The following CRTAC1 variants were observed in gnomAD, a reference collection of about 807,000 sequenced individuals.
CRTAC1 encodes cartilage acidic protein 1.
Under a neutral mutation model 67.8 loss-of-function variants are expected in CRTAC1, and 37 were observed. That is an observed-to-expected ratio of 0.55 (90% confidence interval 0.42 to 0.72). CRTAC1 has a LOEUF of 0.72. Among genes scored for constraint, CRTAC1 ranks in the 30% least tolerant of loss-of-function variants. The pLI is 0.00. For missense variants in CRTAC1, 780 were observed against 931.6 expected, an observed-to-expected ratio of 0.84 and a Z score of 2.12; for synonymous variants, 348 against 371.0, an observed-to-expected ratio of 0.94 and a Z score of 0.71.
intron 6 of CRTAC1, among the ~76,000 whole-genome samples, 169 bp from the exon 7 acceptor site, chr10:97,904,983 G>A (rs1010425082): frequency 1.3e-5 from 2 of 152,164 alleles, no homozygotes; most frequent in African/African-American, 4.8e-5. Flanking sequence ...TATAGGGGCA[G>A]GAAGTGGGAC....
chr10:97,936,886 T>G (rs574699775), intron 2 of CRTAC1, among the ~76,000 whole-genome samples: 3 of 152,208 alleles, frequency 2.0e-5, no homozygotes, highest in African/African-American at 7.2e-5. Flanking sequence ...GCCTAGGAAG[T>G]GTCAGGTGCT....
At chr10:97,992,119 C>G (rs897519645) in intron 2 of CRTAC1, among the ~76,000 whole-genome samples, 1 of 152,170 alleles carries the variant, frequency 6.6e-6, no homozygotes, top group Non-Finnish European at 1.5e-5. Context: ...CCGGATGGAG[C>G]AATAGCTGAT....
At position 97,895,757 on chromosome 10, in the gene CRTAC1, C is replaced by T. The variant is rs2050448217; in HGVS notation, c.1317+128G>A. The T allele has an allele frequency of 5.4e-6, 4 of 733,974 alleles. No homozygotes were observed. The South Asian group carries it at 7.6e-5, about 14-fold the overall frequency. The allele number at this position is 733,974 out of a possible 1,614,324, so 45.5% of individuals were successfully genotyped here. On this transcript the variant is annotated intron_variant, in intron 10 of 14. Transcript: ENST00000370597. This position sits in a 1 kb window ranked among gnomAD's most constrained non-coding sequence, Gnocchi z 4.2. Reference sequence around the variant, plus strand: ...TGCTGCTGGAATTTACTTCCCTCCTCCAGGGCCCGGGACTTCCATTACCCA... The same window carrying T: ...TGCTGCTGGAATTTACTTCCCTCCTTCAGGGCCCGGGACTTCCATTACCCA...
In CRTAC1 at chr10:97,935,893, C is replaced by T. The variant is rs373086314; in HGVS notation, c.421+277G>A. The stretch of plus-strand genomic sequence containing the variant: ...GGTCAGGAGGGCTCACATTAGGAGG[C>T]GGTGGTGGGGACACACAGTCTGAGG... On this transcript the variant is annotated intron_variant, in intron 3 of 14. Coordinates refer to ENST00000370597, the MANE Select transcript of CRTAC1 (RefSeq NM_018058.7). 3.2e-3 allele frequency among the ~76,000 whole-genome samples: 488 copies of T among 152,178 alleles called. 4 individuals are homozygous for T. Among genetic ancestry groups the T allele is most frequent in the African/African-American group, 0.011 (459 of 41,522 alleles).
At chr10:97,872,655 A>C (rs2050106719) in intron 14 of CRTAC1, among the ~76,000 whole-genome samples, 1 of 152,214 alleles carries the variant, frequency 6.6e-6, no homozygotes, top group Non-Finnish European at 1.5e-5. Flanking sequence ...GGATGGATAC[A>C]GAGAAGATGG....
At chr10:97,954,438 T>C (rs1281799753) in intron 2 of CRTAC1, among the ~76,000 whole-genome samples, 1 of 151,968 alleles carries the variant, frequency 6.6e-6, no homozygotes, top group Non-Finnish European at 1.5e-5. Context: ...AGAGCTGGGG[T>C]TCAGGAGGAA....
At chr10:97,945,787 C>T (rs2051254181) in intron 2 of CRTAC1, among the ~76,000 whole-genome samples, 2 of 152,108 alleles carry the variant, frequency 1.3e-5, no homozygotes, top group South Asian at 4.1e-4. Flanking sequence ...AGAGAAAAAC[C>T]TTTTGTCCTA....
At chr10:97,964,046 C>T (rs79169688) in intron 2 of CRTAC1, among the ~76,000 whole-genome samples, 1,962 of 152,336 alleles carry the variant, frequency 0.013, 48 homozygotes, top group African/African-American at 0.044. Context: ...CACAGTTTGG[C>T]TTGTGCTGTC....
chr10:97,923,224 T>C (rs894375), intron 4 of CRTAC1, 40 bp downstream of exon 4: 1,286,132 of 1,611,490 alleles, frequency 0.8, 514,680 homozygotes, highest in East Asian at 0.92. Flanking sequence ...CTGGCTCTCA[T>C]GTGGCTTCTC....
chr10:97,914,516 G>A (rs1590204790), intron 5 of CRTAC1, among the ~76,000 whole-genome samples: 1 of 152,306 alleles, frequency 6.6e-6, no homozygotes. Flanking sequence ...GCCCACTACT[G>A]CCTAGGCTGT....
rs573581888 is a variant in CRTAC1 at position 98,002,170 on chromosome 10, G to A, written c.224+8968C>T. ...AAGAGAGACTTCAAGGAAAGTGATT[G>A]GAGACAGGGCATACGTCTACTTTCC... On this transcript the variant is annotated intron_variant, in intron 2 of 14. Transcript: ENST00000370597. 3.9e-5 allele frequency among the ~76,000 whole-genome samples: 6 copies of A among 152,294 alleles called. No homozygotes were observed. In the South Asian group the frequency reaches 1.2e-3, roughly 32 times the overall value.
At chr10:97,915,404 G>C (rs1438068921) in intron 5 of CRTAC1, among the ~76,000 whole-genome samples, 1 of 152,224 alleles carries the variant, frequency 6.6e-6, no homozygotes, top group Admixed American at 6.5e-5. Context: ...AGGTCATACA[G>C]CTCTCTAGCA....
At chr10:97,931,356 G>A (rs1564899873) in intron 3 of CRTAC1, among the ~76,000 whole-genome samples, 2 of 152,212 alleles carry the variant, frequency 1.3e-5, no homozygotes, top group African/African-American at 4.8e-5. Context: ...AAATATGCCT[G>A]CAATTGTGGG....
At chr10:97,899,548 GA>G (rs2050504648) in intron 8 of CRTAC1, among the ~76,000 whole-genome samples, 1 of 152,222 alleles carries the variant, frequency 6.6e-6, no homozygotes, top group Admixed American at 6.5e-5. Flanking sequence ...GCCAGAGAAG[GA>G]AAGCAGTGTC....
intron 2 of CRTAC1, among the ~76,000 whole-genome samples, chr10:97,974,716 G>A (rs2051770247): frequency 6.6e-6 from 1 of 152,166 alleles, no homozygotes; most frequent in Non-Finnish European, 1.5e-5. Context: ...GCCTCTGCCG[G>A]GAGCCCGGAG....
At chr10:97,989,901 T>C (rs2136672001) in intron 2 of CRTAC1, among the ~76,000 whole-genome samples, 1 of 152,348 alleles carries the variant, frequency 6.6e-6, no homozygotes, top group Middle Eastern at 3.4e-3. Flanking sequence ...AGTTCTTCTC[T>C]CTGTTCTTCT....
At chr10:97,971,031 A>G (rs2051702984) in intron 2 of CRTAC1, among the ~76,000 whole-genome samples, 1 of 152,254 alleles carries the variant, frequency 6.6e-6, no homozygotes, top group Admixed American at 6.5e-5. Flanking sequence ...GTGTGTTAAA[A>G]CAATGACATG....
rs2050499112 is a variant in CRTAC1, at chr10:97,899,105, T to C, written c.1134-2114A>G. 5.3e-5 allele frequency among the ~76,000 whole-genome samples: 8 copies of C among 152,150 alleles called. No homozygotes were observed. The South Asian group carries it at 1.7e-3, about 32-fold the overall frequency. On this transcript the variant is annotated intron_variant, in intron 8 of 14. Transcript: ENST00000370597. ...CCCACAGTGCCTGTTCAGTGACAGG[T>C]GAAAAGCCCCCGTGGTGTGGGACAG...
chr10:97,872,034 G>T (rs1054144083), intron 14 of CRTAC1, among the ~76,000 whole-genome samples: 10 of 152,220 alleles, frequency 6.6e-5, no homozygotes, highest in African/African-American at 2.4e-4. Flanking sequence ...CTCAGAGATT[G>T]CGAGGGTCCT....
Sources: gnomAD v4.1 joint callset for allele counts (sites outside exome capture counted in the v4.1 genomes callset) on GRCh38, gnomAD v4.1.1 for gene constraint, Gnocchi (gnomAD v3.1) non-coding constraint, MANE v1.5 for transcripts, NCBI Gene and HGNC (gene_info 2026-07-23, HGNC 2026-07-21) for gene names.